The following CNTNAP2 variants were observed in gnomAD, a reference collection of about 807,000 sequenced individuals.
The protein encoded by CNTNAP2 is contactin-associated protein-like 2.
CNTNAP2 carries 98 observed loss-of-function variants against 155.2 expected under a neutral mutation model. The ratio of observed to expected loss-of-function variants is 0.63; its 90% CI spans 0.54 to 0.75. The LOEUF is 0.75. Among genes scored for constraint, CNTNAP2 ranks in the 30% least tolerant of loss-of-function variants. The probability of loss-of-function intolerance (pLI) is 0.00; values close to 1 mark genes in which losing one functional copy is unlikely to be tolerated. For synonymous variants in CNTNAP2, 651 were observed against 631.2 expected, an observed-to-expected ratio of 1.03 and a Z score of -0.47; for missense variants, 1,727 against 1,688.1, an observed-to-expected ratio of 1.02 and a Z score of -0.40.
intron 14 of CNTNAP2, among the ~76,000 whole-genome samples, chr7:147,962,742 G>A (rs1486742417): frequency 6.6e-6 from 1 of 152,158 alleles, no homozygotes; most frequent in African/African-American, 2.4e-5. Context: ...GCTAAGTAAT[G>A]TATAGTCCAT....
intron 13 of CNTNAP2, among the ~76,000 whole-genome samples, chr7:147,766,954 A>G (rs1432528918): frequency 6.6e-6 from 1 of 152,132 alleles, no homozygotes; most frequent in Non-Finnish European, 1.5e-5. Context: ...TGTTCCTTCT[A>G]TGAAAAAAGT....
In CNTNAP2 at chr7:147,788,904, T is replaced by C. The variant is rs367942203; in HGVS notation, c.2099-114661T>C. ...ATATACTTTTTTTTTCTTTTTCTTT[T>C]TTTTTTTTTTTTTTTTTTGAGACAG... is the stretch of plus-strand genomic sequence containing the variant. On this transcript the variant is annotated intron_variant, in intron 13 of 23. Coordinates refer to ENST00000361727, the MANE Select transcript of CNTNAP2 (RefSeq NM_014141.6). Among the ~76,000 whole-genome samples, 499 of 121,466 alleles carry C rather than the reference T, an allele frequency of 4.1e-3. 4 individuals carry two copies. The highest frequency in any genetic ancestry group is 0.013 in the African/African-American group (452 of 33,666). The allele number at this position is 121,466 out of a possible 152,430, so 79.7% of individuals were successfully genotyped here.
chr7:147,187,362 C>T (rs761105802), intron 8 of CNTNAP2, among the ~76,000 whole-genome samples: 2 of 152,126 alleles, frequency 1.3e-5, no homozygotes, highest in African/African-American at 2.4e-5. Context: ...AGAATCAACT[C>T]AGGTGCCCAT....
At chr7:147,738,361 A>G (rs938661874) in intron 13 of CNTNAP2, among the ~76,000 whole-genome samples, 2 of 151,974 alleles carry the variant, frequency 1.3e-5, no homozygotes, top group Non-Finnish European at 2.9e-5. Context: ...CACATTACAG[A>G]AAAATATTTC....
chr7:147,558,253 C>T (rs1427540788), intron 11 of CNTNAP2, among the ~76,000 whole-genome samples: 1 of 152,034 alleles, frequency 6.6e-6, no homozygotes, highest in Non-Finnish European at 1.5e-5. Context: ...TTTTGCATCC[C>T]ATTCCATTTT....
intron 2 of CNTNAP2, among the ~76,000 whole-genome samples, chr7:146,780,083 G>T (rs1484198226): frequency 6.6e-6 from 1 of 152,164 alleles, no homozygotes; most frequent in Non-Finnish European, 1.5e-5. Flanking sequence ...GATCCTTGAG[G>T]AATTACCACA....
At chr7:147,760,280 T>A (rs1010314434) in intron 13 of CNTNAP2, among the ~76,000 whole-genome samples, 1 of 151,496 alleles carries the variant, frequency 6.6e-6, no homozygotes, top group East Asian at 1.9e-4. Flanking sequence ...TTCCAAAGAG[T>A]TTTCCCCTCG....
At chr7:147,637,205 AC>A (rs1480835111) in intron 12 of CNTNAP2, among the ~76,000 whole-genome samples, 1 of 152,050 alleles carries the variant, frequency 6.6e-6, no homozygotes, top group Non-Finnish European at 1.5e-5. Context: ...GAAAAACCTC[AC>A]CCTGACTCCC....
At chr7:147,607,386 C>G (rs1164908372) in intron 12 of CNTNAP2, among the ~76,000 whole-genome samples, 1 of 151,650 alleles carries the variant, frequency 6.6e-6, no homozygotes, top group Non-Finnish European at 1.5e-5. Context: ...CTTTCTCTTT[C>G]TCTTTCTCTC....
At chr7:146,279,289 T>G (rs1232839140) in intron 1 of CNTNAP2, among the ~76,000 whole-genome samples, 1 of 152,170 alleles carries the variant, frequency 6.6e-6, no homozygotes, top group Admixed American at 6.5e-5. Context: ...AATGTAAAAT[T>G]GTGTTTTGTT....
At chr7:147,634,245 A>G (rs1424905924) in intron 12 of CNTNAP2, among the ~76,000 whole-genome samples, 3 of 152,250 alleles carry the variant, frequency 2.0e-5, no homozygotes, top group East Asian at 3.8e-4. Flanking sequence ...AGAATGTGGT[A>G]TATATACACC....
chr7:147,467,243 T>A (rs190740172), intron 10 of CNTNAP2, among the ~76,000 whole-genome samples: 1 of 152,332 alleles, frequency 6.6e-6, no homozygotes, highest in Non-Finnish European at 1.5e-5. Context: ...TATAGTTATA[T>A]TTGTAAATTG....
chr7:146,250,869 G>A (rs6464742), intron 1 of CNTNAP2, among the ~76,000 whole-genome samples: 16 of 152,210 alleles, frequency 1.1e-4, no homozygotes, highest in African/African-American at 3.6e-4. Context: ...TGCCTTGTAA[G>A]TATGTAAAAA....
intron 1 of CNTNAP2, among the ~76,000 whole-genome samples, chr7:146,444,722 A>G (rs905990274): frequency 6.7e-6 from 1 of 149,528 alleles, no homozygotes; most frequent in African/African-American, 2.5e-5. Context: ...CAGTGGCATG[A>G]TCTCGGCTCA....
At chr7:147,445,866 C>T (rs1415135459) in intron 10 of CNTNAP2, among the ~76,000 whole-genome samples, 5 of 151,990 alleles carry the variant, frequency 3.3e-5, no homozygotes, top group Non-Finnish European at 7.4e-5. Context: ...ATGAACATGG[C>T]TCAGGGTAGC....
chr7:148,142,698 C>T (rs888656235), intron 16 of CNTNAP2, among the ~76,000 whole-genome samples: 1 of 152,216 alleles, frequency 6.6e-6, no homozygotes, highest in Non-Finnish European at 1.5e-5. Flanking sequence ...TCAACTGAAA[C>T]TGTGGTCTAA....
chr7:147,707,959 G>A (rs1369279970), intron 13 of CNTNAP2, among the ~76,000 whole-genome samples: 1 of 152,096 alleles, frequency 6.6e-6, no homozygotes, highest in Non-Finnish European at 1.5e-5. Context: ...GTGGTTTCCA[G>A]GCCCTTGGAT....
chr7:147,273,896 A>G (rs900704657), intron 8 of CNTNAP2, among the ~76,000 whole-genome samples: 1 of 147,918 alleles, frequency 6.8e-6, no homozygotes, highest in African/African-American at 2.5e-5. Flanking sequence ...TTATATGTGT[A>G]ATTATATATT....
At chr7:147,815,220 C>T (rs7785374) in intron 13 of CNTNAP2, among the ~76,000 whole-genome samples, 14 of 152,212 alleles carry the variant, frequency 9.2e-5, no homozygotes, top group African/African-American at 3.4e-4. Flanking sequence ...TTAACCCAAA[C>T]TTATTATCTC....
Sources: gnomAD v4.1 joint callset for allele counts (sites outside exome capture counted in the v4.1 genomes callset) on GRCh38, gnomAD v4.1.1 for gene constraint, MANE v1.5 for transcripts, NCBI Gene and HGNC (gene_info 2026-07-23, HGNC 2026-07-21) for gene names.